The following PAPPA2 variants were observed in gnomAD, a reference collection of about 807,000 sequenced individuals.
PAPPA2 encodes pappalysin 2.
PAPPA2 carries 86 observed loss-of-function variants against 176.4 expected under a neutral mutation model. The observed-to-expected ratio is 0.49, with a 90% CI of 0.41 to 0.58. The LOEUF (loss-of-function observed/expected upper bound fraction) is 0.58, where lower values mean the gene tolerates loss of function less well. PAPPA2 is among the 20% of genes least tolerant of loss of function. The pLI is 0.00. For missense variants in PAPPA2, 2,073 were observed against 2,256.9 expected (o/e 0.92, Z 1.65); for synonymous variants, 809 against 852.2 (o/e 0.95, Z 0.88).
chr1:176,702,746 TG>T lies in PAPPA2; in HGVS notation c.3365+12del. 8.9e-7 allele frequency: 1 copy of T among 1,118,290 alleles called. No homozygotes were observed. Among genetic ancestry groups the T allele is most frequent in the African/African-American group, 2.9e-5 (1 of 34,414 alleles). The allele number at this position is 1,118,290 out of a possible 1,614,324, so 69.3% of individuals were successfully genotyped here. Reference sequence around the variant, plus strand: ...TGGGAAGGTGTCAGAGTGAGTATTTTGTGTGTGTGTGTGTGTGTGTGTGTGT... The same window carrying T: ...TGGGAAGGTGTCAGAGTGAGTATTTTTGTGTGTGTGTGTGTGTGTGTGTGT... On this transcript the variant is annotated intron_variant, in intron 9 of 22. Coordinates refer to ENST00000367662, the MANE Select transcript of PAPPA2 (RefSeq NM_020318.3).
intron 15 of PAPPA2, among the ~76,000 whole-genome samples, chr1:176,766,682 TA>T (rs1048143187): frequency 2.6e-5 from 4 of 152,194 alleles, no homozygotes; most frequent in African/African-American, 9.7e-5. Flanking sequence ...TATTCTCAAC[TA>T]AGAATTCTGT....
intron 10 of PAPPA2, among the ~76,000 whole-genome samples, chr1:176,707,546 A>C (rs1314484997): frequency 6.6e-6 from 1 of 152,210 alleles, no homozygotes; most frequent in Non-Finnish European, 1.5e-5. Context: ...AAAGCATGAC[A>C]GATGAGTTTC....
At chr1:176,648,060 A>G (rs1395018895) in intron 3 of PAPPA2, among the ~76,000 whole-genome samples, 2 of 151,476 alleles carry the variant, frequency 1.3e-5, no homozygotes, top group African/African-American at 4.8e-5. Context: ...AATTCTTCCA[A>G]TCCATAAGCT....
intron 1 of PAPPA2, among the ~76,000 whole-genome samples, chr1:176,535,703 A>G (rs1358767074): frequency 6.6e-6 from 1 of 152,224 alleles, no homozygotes; most frequent in Non-Finnish European, 1.5e-5. Flanking sequence ...GTGATATCAC[A>G]TACTAGCCAT....
intron 15 of PAPPA2, among the ~76,000 whole-genome samples, chr1:176,768,292 A>T (rs180828553): frequency 6.6e-6 from 1 of 151,486 alleles, no homozygotes; most frequent in East Asian, 1.9e-4. Context: ...ATCCTGTATT[A>T]CCTATTCTGT....
Position 176,714,408 on chromosome 1 carries a change from GAA to G in PAPPA2, c.3798+2438_3798+2439del, listed in dbSNP as rs768658419. ...ATTGGGAGACTTAGCCTTACTGGGA[GAA>G]AAAAAAAAAAGGATACCTTGAGGAT... On this transcript the variant is annotated intron_variant, in intron 12 of 22. Coordinates refer to ENST00000367662, the MANE Select transcript of PAPPA2 (RefSeq NM_020318.3). 3.2e-4 allele frequency among the ~76,000 whole-genome samples: 44 copies of G among 136,188 alleles called. 1 individual carries two copies. Among genetic ancestry groups the G allele is most frequent in the Middle Eastern group, 7.6e-3 (2 of 264 alleles). The allele number at this position is 136,188 out of a possible 152,430, so 89.3% of individuals were successfully genotyped here. A position where few individuals can be genotyped will look rare whatever the true frequency, so the allele number is the denominator to read the frequency against.
intron 12 of PAPPA2, among the ~76,000 whole-genome samples, chr1:176,731,206 G>A (rs1662124475): frequency 6.6e-6 from 1 of 150,672 alleles, no homozygotes. Flanking sequence ...GTTCATTTTT[G>A]TTTTCCTTAT....
chr1:176,584,941 T>A (rs546823651), intron 2 of PAPPA2, among the ~76,000 whole-genome samples: 1 of 152,276 alleles, frequency 6.6e-6, no homozygotes, highest in African/African-American at 2.4e-5. Flanking sequence ...GTTTTCACCA[T>A]CTTGGCCAGG....
chr1:176,594,471 TC>T (rs2102649225), intron 2 of PAPPA2, 52 bp from the exon 3 acceptor site: 7 of 1,447,192 alleles, frequency 4.8e-6, no homozygotes, highest in Admixed American at 2.0e-5. Context: ...CTTTCTCCAT[TC>T]CCCTTTGTAT....
At chr1:176,559,074 C>T (rs1165757125) in intron 2 of PAPPA2, among the ~76,000 whole-genome samples, 1 of 152,140 alleles carries the variant, frequency 6.6e-6, no homozygotes, top group Non-Finnish European at 1.5e-5. Context: ...CCCCCATCCC[C>T]ACCCCAGGAC....
intron 1 of PAPPA2, among the ~76,000 whole-genome samples, chr1:176,502,138 A>C (rs955772523): frequency 6.6e-6 from 1 of 152,202 alleles, no homozygotes; most frequent in Admixed American, 6.5e-5. Context: ...TTTGTCATTT[A>C]CTATCCTCCA....
At chr1:176,631,323 C>T (rs1484564307) in intron 3 of PAPPA2, among the ~76,000 whole-genome samples, 1 of 151,856 alleles carries the variant, frequency 6.6e-6, no homozygotes, top group Non-Finnish European at 1.5e-5. Flanking sequence ...TATTACATAC[C>T]CAGAAGAGAA....
At chr1:176,802,897 TA>T (rs1376184922) in intron 21 of PAPPA2, among the ~76,000 whole-genome samples, 1 of 152,222 alleles carries the variant, frequency 6.6e-6, no homozygotes, top group East Asian at 1.9e-4. Flanking sequence ...AGACTTTCTT[TA>T]AAAACTCTTA....
At chr1:176,802,817 C>G (rs1392484857) in intron 21 of PAPPA2, among the ~76,000 whole-genome samples, 1 of 152,170 alleles carries the variant, frequency 6.6e-6, no homozygotes, top group Non-Finnish European at 1.5e-5. Context: ...GCATCATATT[C>G]TCTTGGCATA....
chr1:176,480,033 T>C (rs1652317176), intron 1 of PAPPA2, among the ~76,000 whole-genome samples: 1 of 152,160 alleles, frequency 6.6e-6, no homozygotes, highest in African/African-American at 2.4e-5. Flanking sequence ...GAGTGGCATT[T>C]CCAGCTGCCT....
intron 3 of PAPPA2, among the ~76,000 whole-genome samples, chr1:176,640,868 T>G (rs1359021472): frequency 1.3e-5 from 2 of 151,574 alleles, no homozygotes; most frequent in South Asian, 2.1e-4. Context: ...CCTGACTTTT[T>G]AATGATTGCC....
intron 1 of PAPPA2, among the ~76,000 whole-genome samples, chr1:176,485,530 T>C (rs1296281110): frequency 6.6e-6 from 1 of 152,218 alleles, no homozygotes; most frequent in Non-Finnish European, 1.5e-5. Flanking sequence ...TTTGGACATA[T>C]ATATTTTTAA....
rs1667572120 is a variant in PAPPA2 at position 176,843,864 on chromosome 1, AGAGATTTT to A, written c.*1413_*1420del. 6.6e-6 allele frequency: 1 copy of A among 152,178 alleles called. No homozygotes were observed. The allele number at this position is 152,178 out of a possible 1,614,324, so 9.4% of individuals were successfully genotyped here. On this transcript the variant is annotated 3_prime_UTR_variant, in exon 23 of 23. Coordinates refer to ENST00000367662, the MANE Select transcript of PAPPA2 (RefSeq NM_020318.3). ...GTATCATGTACAAAATCTGTGAGCCAGAGATTTTGACTTGAGCAAGCCATGGAAATGCA... is the reference window on the plus strand; with the variant it reads ...GTATCATGTACAAAATCTGTGAGCCAGACTTGAGCAAGCCATGGAAATGCA...
intron 21 of PAPPA2, among the ~76,000 whole-genome samples, chr1:176,807,127 G>A (rs1449068861): frequency 2.0e-5 from 3 of 152,162 alleles, no homozygotes; most frequent in Admixed American, 6.5e-5. Flanking sequence ...GTGAATATTT[G>A]ATAAACATAA....
Sources: allele counts gnomAD v4.1 joint callset (sites outside exome capture counted in the v4.1 genomes callset), GRCh38; gene constraint gnomAD v4.1.1; transcripts MANE v1.5; gene names NCBI Gene and HGNC (gene_info 2026-07-23, HGNC 2026-07-21).